TNIP3: variants seen among roughly 807,000 people sequenced by gnomAD.
TNIP3 encodes TNFAIP3-interacting protein 3.
A neutral mutation model predicts 54.1 loss-of-function variants in TNIP3; 34 were observed. The observed-to-expected ratio is 0.63, with a 90% CI of 0.48 to 0.84. TNIP3 has a LOEUF of 0.84. Among genes scored for constraint, TNIP3 ranks in the 40% least tolerant of loss-of-function variants. TNIP3 has a pLI of 0.00. For synonymous variants in TNIP3, 134 were observed against 136.8 expected (o/e 0.98, Z 0.14); for missense variants, 366 against 387.6 (o/e 0.94, Z 0.47).
At chr4:121,172,962 G>C (rs1010568871) in intron 3 of TNIP3, among the ~76,000 whole-genome samples, 10 of 152,294 alleles carry the variant, frequency 6.6e-5, no homozygotes, top group African/African-American at 2.4e-4. Flanking sequence ...GCTTCAATCT[G>C]AACTTCATAA....
intron 6 of TNIP3, among the ~76,000 whole-genome samples, chr4:121,148,362 A>G (rs963299688): frequency 2.0e-5 from 3 of 152,244 alleles, no homozygotes; most frequent in African/African-American, 7.2e-5. Context: ...TGGTCTTCCC[A>G]CAGGGTTTAT....
intron 3 of TNIP3, among the ~76,000 whole-genome samples, chr4:121,179,410 G>A (rs1375835667): frequency 1.3e-5 from 2 of 152,094 alleles, no homozygotes; most frequent in African/African-American, 4.8e-5. Context: ...TACCCCAATA[G>A]GTATTTACCC....
intron 2 of TNIP3, among the ~76,000 whole-genome samples, chr4:121,208,268 G>A (rs1469513434): frequency 6.6e-6 from 1 of 152,134 alleles, no homozygotes; most frequent in Non-Finnish European, 1.5e-5. Flanking sequence ...TGCAGCCAGA[G>A]ACATCAAGAT....
chr4:121,227,262 G>A (rs1727296428), intron 1 of TNIP3: 2 of 761,188 alleles, frequency 2.6e-6, no homozygotes, highest in Non-Finnish European at 4.2e-6. Context: ...CTGAGTTCCT[G>A]ATCAGTTATA....
At chr4:121,149,589 A>G (rs968506328) in intron 6 of TNIP3, among the ~76,000 whole-genome samples, 9 of 152,136 alleles carry the variant, frequency 5.9e-5, no homozygotes, top group African/African-American at 1.9e-4. Flanking sequence ...ACATGGTGAA[A>G]CCCCATCTCT....
At chr4:121,218,483 C>T (rs983380254), upstream of TNIP3, among the ~76,000 whole-genome samples, 2 of 152,032 alleles carry the variant, frequency 1.3e-5, no homozygotes, top group South Asian at 4.1e-4. Flanking sequence ...AGTCAATATC[C>T]CAGGCATAAT....
chr4:121,214,927 T>G (rs896599028), intron 2 of TNIP3, among the ~76,000 whole-genome samples: 2 of 152,188 alleles, frequency 1.3e-5, no homozygotes, highest in Non-Finnish European at 2.9e-5. Context: ...AAAATCATAT[T>G]GACAAGGAGA....
intron 1 of TNIP3, among the ~76,000 whole-genome samples, chr4:121,163,351 C>T (rs1730571784): frequency 6.6e-6 from 1 of 152,184 alleles, no homozygotes; most frequent in African/African-American, 2.4e-5. Flanking sequence ...CTTTGCTTTA[C>T]AGTTGCTAAT....
chr4:121,217,376 A>C (rs2148850921), upstream of TNIP3, among the ~76,000 whole-genome samples: 1 of 152,314 alleles, frequency 6.6e-6, no homozygotes, highest in South Asian at 2.1e-4. Flanking sequence ...CCAAAAAAAA[A>C]AGTTTGTTAA....
chr4:121,158,892 T>C, intron 2 of TNIP3, 140 bp from the exon 3 acceptor site: 1 of 669,982 alleles, frequency 1.5e-6, no homozygotes, highest in Non-Finnish European at 2.6e-6. Context: ...CAAGTTCTGA[T>C]TGTGCTGGGA....
chr4:121,191,762 T>C (rs1248042873), intron 2 of TNIP3, among the ~76,000 whole-genome samples: 2 of 152,216 alleles, frequency 1.3e-5, no homozygotes, highest in Non-Finnish European at 2.9e-5. Context: ...TATTATCATA[T>C]GACAAAACAC....
At chr4:121,148,533 G>A (rs1729559381) in intron 6 of TNIP3, among the ~76,000 whole-genome samples, 1 of 152,166 alleles carries the variant, frequency 6.6e-6, no homozygotes, top group Admixed American at 6.5e-5. Flanking sequence ...AAGAAATCCT[G>A]GCTAGCACCA....
upstream of TNIP3, among the ~76,000 whole-genome samples, chr4:121,217,197 AT>A (rs1252429092): frequency 1.3e-5 from 2 of 152,178 alleles, no homozygotes; most frequent in Non-Finnish European, 2.9e-5. Flanking sequence ...AATTTGAAGA[AT>A]TGTGTATGCT....
chr4:121,205,172 A>AATGGAGTGATC (rs1270038676), intron 2 of TNIP3, among the ~76,000 whole-genome samples: 25 of 152,232 alleles, frequency 1.6e-4, no homozygotes, highest in African/African-American at 5.8e-4. Context: ...TGCAATTTTA[A>AATGGAGTGATC]ATGGAGTGAT....
intron 2 of TNIP3, chr4:121,216,328 A>T (rs1271509846): frequency 1.7e-6 from 2 of 1,157,570 alleles, no homozygotes; most frequent in East Asian, 2.6e-5. Context: ...TTCTACTCTT[A>T]ATACACTATC....
chr4:121,168,905 T>C (rs1486992348), upstream of TNIP3, among the ~76,000 whole-genome samples: 1 of 152,190 alleles, frequency 6.6e-6, no homozygotes, highest in Non-Finnish European at 1.5e-5. Context: ...GTGTCAAACC[T>C]AGTTCCACCA....
chr4:121,173,196 A>G (rs1043374433), intron 3 of TNIP3, among the ~76,000 whole-genome samples: 5 of 152,196 alleles, frequency 3.3e-5, no homozygotes, highest in Non-Finnish European at 7.3e-5. Flanking sequence ...TTTACCAATG[A>G]TGGAAAAGCA....
At chr4:121,216,687 T>G, upstream of TNIP3, 1 of 1,355,234 alleles carries the variant, frequency 7.4e-7, no homozygotes, top group South Asian at 1.6e-5. Flanking sequence ...GCCTTCTGCC[T>G]AGTTTCAATG....
intron 3 of TNIP3, among the ~76,000 whole-genome samples, chr4:121,172,459 T>C (rs540870334): frequency 1.3e-5 from 2 of 152,262 alleles, no homozygotes; most frequent in African/African-American, 4.8e-5. Context: ...CCGTAAGAGA[T>C]AGACTACATC....
Sources: allele counts gnomAD v4.1 joint callset (sites outside exome capture counted in the v4.1 genomes callset), GRCh38; gene constraint gnomAD v4.1.1; transcripts MANE v1.5; gene names NCBI Gene and HGNC (gene_info 2026-07-23, HGNC 2026-07-21).